GAPVD1: variants seen among roughly 807,000 people sequenced by gnomAD.
GAPVD1 encodes the protein GTPase activating protein and VPS9 domains 1.
In GAPVD1, 35 loss-of-function variants were observed where a neutral mutation model predicts 155.5. The observed-to-expected ratio is 0.23, with a 90% CI of 0.17 to 0.30. The LOEUF (loss-of-function observed/expected upper bound fraction) is 0.30. GAPVD1 is among the 10% of genes least tolerant of loss of function. The pLI is 1.00. For synonymous variants in GAPVD1, 636 were observed against 619.7 expected, an observed-to-expected ratio of 1.03 and a Z score of -0.39; for missense variants, 1,429 against 1,775.7, an observed-to-expected ratio of 0.80 and a Z score of 3.51.
intron 2 of GAPVD1, among the ~76,000 whole-genome samples, chr9:125,289,666 T>G (rs1277410849): frequency 6.6e-6 from 1 of 152,030 alleles, no homozygotes; most frequent in African/African-American, 2.4e-5. Flanking sequence ...GTTTTAATTT[T>G]GAGATGCGTA....
intron 16 of GAPVD1, 34 bp downstream of exon 16, chr9:125,337,129 CA>C: frequency 6.3e-7 from 1 of 1,595,606 alleles, no homozygotes; most frequent in Admixed American, 1.7e-5. Flanking sequence ...TCACTTATGT[CA>C]CAGACAGGAG....
intron 2 of GAPVD1, among the ~76,000 whole-genome samples, chr9:125,290,888 A>T (rs533465560): frequency 6.6e-5 from 10 of 150,846 alleles, no homozygotes; most frequent in African/African-American, 2.4e-4. Flanking sequence ...CAGCCTCTGG[A>T]TGCTGAGGTA....
rs372650977 is a variant in GAPVD1 at position 125,332,437 on chromosome 9, C to T, written c.2309-73C>T. 82 of 1,272,164 alleles carry T rather than the reference C, an allele frequency of 6.4e-5. 2 individuals carry two copies. The East Asian group carries it at 1.2e-3, about 19-fold the overall frequency. 78.8% of individuals were successfully genotyped at this position (1,272,164 alleles called of 1,614,324 possible). A position where few individuals can be genotyped will look rare whatever the true frequency, so the allele number is the denominator to read the frequency against. ...AAAATTCGAGAATGTTTCAGTTTCT[C>T]CAAATTTCATATACTTTTTGTGTGG... On this transcript the variant is annotated intron_variant, in intron 14 of 27. Transcript: ENST00000297933.
In GAPVD1 at chr9:125,283,455, C is replaced by T. The variant is rs191705235; in HGVS notation, c.-149-12003C>T. ...CTCACTGCAGCCTTGACATCCCCGGCTCAAGTGATCCTCTGCCTTCAGCCT... is the reference window on the plus strand; with the variant it reads ...CTCACTGCAGCCTTGACATCCCCGGTTCAAGTGATCCTCTGCCTTCAGCCT... On this transcript the variant is annotated intron_variant, in intron 2 of 27. Transcript: ENST00000297933. Among the ~76,000 whole-genome samples, 21 of 152,200 alleles carry T rather than the reference C, an allele frequency of 1.4e-4. No individual in the cohort carries two copies. In the East Asian group the frequency reaches 4.1e-3, roughly 29 times the overall value.
intron 19 of GAPVD1, 54 bp from the exon 20 acceptor site, chr9:125,346,765 C>T (rs780602002): frequency 4.6e-5 from 64 of 1,378,086 alleles, no homozygotes; most frequent in Non-Finnish European, 6.2e-5. Context: ...ATACTAACAT[C>T]AGAGGTGGTA....
At chr9:125,297,513 A>G (rs1840069488) in intron 3 of GAPVD1, among the ~76,000 whole-genome samples, 1 of 152,204 alleles carries the variant, frequency 6.6e-6, no homozygotes, top group Non-Finnish European at 1.5e-5. Context: ...AACCTTCCAG[A>G]CAGAGAGGTC....
chr9:125,281,791 A>G (rs1488516862), intron 2 of GAPVD1, among the ~76,000 whole-genome samples: 3 of 151,764 alleles, frequency 2.0e-5, no homozygotes, highest in East Asian at 1.9e-4. Context: ...GAAGCACACT[A>G]TATTACTCAT....
chr9:125,274,497 C>A (rs149078113), intron 2 of GAPVD1, among the ~76,000 whole-genome samples: 1 of 136,510 alleles, frequency 7.3e-6, no homozygotes, highest in African/African-American at 2.7e-5. Context: ...GAGTTTCACT[C>A]TTGTTGCCCA....
chr9:125,353,358 A>G (rs1261160008), intron 23 of GAPVD1, among the ~76,000 whole-genome samples: 1 of 152,202 alleles, frequency 6.6e-6, no homozygotes, highest in African/African-American at 2.4e-5. Flanking sequence ...TATCACTGTC[A>G]GCATTTTCGT....
At chr9:125,294,387 G>A (rs933239674) in intron 2 of GAPVD1, among the ~76,000 whole-genome samples, 7 of 141,442 alleles carry the variant, frequency 4.9e-5, no homozygotes, top group Admixed American at 1.5e-4. Flanking sequence ...TCGCTCTGTC[G>A]CCCAGGCTGG....
At chr9:125,315,679 A>G (rs1360406898) in intron 9 of GAPVD1, among the ~76,000 whole-genome samples, 4 of 152,028 alleles carry the variant, frequency 2.6e-5, no homozygotes, top group African/African-American at 7.2e-5. Context: ...TTCTGCTTGC[A>G]TTAAGGGATA....
At position 125,326,293 on chromosome 9, in the gene GAPVD1, G is replaced by T. The variant is rs546951225; in HGVS notation, c.1859-123G>T. On this transcript the variant is annotated intron_variant, in intron 11 of 27. Transcript: ENST00000297933. ...AGCACTTTGGGAGGCCGAGGCGGGC[G>T]GATCACCTGAGATTGGGAGTTCGAG... The T allele has an allele frequency of 4.7e-6, 3 of 633,974 alleles. No homozygotes were observed. In the South Asian group the frequency reaches 6.4e-5, roughly 14 times the overall value. 39.3% of individuals were successfully genotyped at this position (633,974 alleles called of 1,614,324 possible).
At chr9:125,262,290 A>C (rs1030629190) in intron 1 of GAPVD1, among the ~76,000 whole-genome samples, 1 of 152,170 alleles carries the variant, frequency 6.6e-6, no homozygotes, top group Non-Finnish European at 1.5e-5. Context: ...CCCGGCAGGT[A>C]GGGAACTGAG....
rs10986696 is a variant in GAPVD1, at chr9:125,307,598, G to A, written c.1251+51G>A. The A allele has an allele frequency of 9.9e-3, 15,667 of 1,582,236 alleles. 704 individuals carry two copies. In the Admixed American group the frequency reaches 0.11, roughly 11 times the overall value. ...TTTCTCGAAAGTCTTTTAGCTAAGC[G>A]TGAGCAAAAACATACATGAGTACAT... On this transcript the variant is annotated intron_variant, in intron 7 of 27. Coordinates refer to ENST00000297933, the MANE Select transcript of GAPVD1 (RefSeq NM_001282680.3).
At chr9:125,274,038 A>G (rs567803932) in intron 2 of GAPVD1, among the ~76,000 whole-genome samples, 1 of 151,678 alleles carries the variant, frequency 6.6e-6, no homozygotes, top group Non-Finnish European at 1.5e-5. Context: ...CCGTCACTTG[A>G]GCTCAGGAGC....
intron 2 of GAPVD1, among the ~76,000 whole-genome samples, chr9:125,281,810 T>C (rs1055704956): frequency 5.9e-5 from 9 of 152,016 alleles, no homozygotes; most frequent in African/African-American, 1.9e-4. Flanking sequence ...ATAATGCTCT[T>C]AAAGATAATT....
intron 7 of GAPVD1, 72 bp downstream of exon 7, chr9:125,307,619 T>A (rs1262058920): frequency 6.4e-7 from 1 of 1,560,568 alleles, no homozygotes; most frequent in Non-Finnish European, 8.8e-7. Context: ...CATACATGAG[T>A]ACATTGTGTG....
At chr9:125,319,718 C>T (rs1421599712) in intron 9 of GAPVD1, among the ~76,000 whole-genome samples, 6 of 151,508 alleles carry the variant, frequency 4.0e-5, no homozygotes, top group Non-Finnish European at 8.8e-5. Context: ...TCTCCTGTCT[C>T]AGCCTCCCAA....
chr9:125,308,166 A>G (rs1588841901), intron 8 of GAPVD1: 2 of 514,160 alleles, frequency 3.9e-6, no homozygotes, highest in Non-Finnish European at 6.8e-6. Flanking sequence ...TGGAAATGTT[A>G]TAAGTAGTCA....
Sources: gnomAD v4.1 joint callset for allele counts (sites outside exome capture counted in the v4.1 genomes callset) on GRCh38, gnomAD v4.1.1 for gene constraint, MANE v1.5 for transcripts, NCBI Gene and HGNC (gene_info 2026-07-23, HGNC 2026-07-21) for gene names.